ATP10B: variants seen among roughly 807,000 people sequenced by gnomAD.
ATP10B encodes phospholipid-transporting ATPase VB.
In ATP10B, 122 loss-of-function variants were observed where a neutral mutation model predicts 141.2. The observed-to-expected ratio is 0.86, with a 90% CI of 0.75 to 1.00. The LOEUF is 1.00. Among genes scored for constraint, ATP10B ranks in the 50% least tolerant of loss-of-function variants. ATP10B has a pLI of 0.00. For missense variants in ATP10B, 1,876 were observed against 1,825.3 expected, an observed-to-expected ratio of 1.03 and a Z score of -0.51; for synonymous variants, 685 against 692.0, an observed-to-expected ratio of 0.99 and a Z score of 0.16.
intron 7 of ATP10B, among the ~76,000 whole-genome samples, chr5:160,651,636 T>C (rs1490239864): frequency 6.6e-6 from 1 of 152,120 alleles, no homozygotes; most frequent in Non-Finnish European, 1.5e-5. Context: ...AGTTTATCAC[T>C]GAAAGCTTCA....
At chr5:160,671,054 G>A (rs138150063) in intron 6 of ATP10B, among the ~76,000 whole-genome samples, 6,792 of 150,878 alleles carry the variant, frequency 0.045, 516 homozygotes, top group African/African-American at 0.15. Flanking sequence ...AGTCCCAGCT[G>A]CTCGGGAGGC....
At chr5:160,676,776 A>G (rs561323554) in intron 6 of ATP10B, among the ~76,000 whole-genome samples, 1 of 152,368 alleles carries the variant, frequency 6.6e-6, no homozygotes, top group South Asian at 2.1e-4. Flanking sequence ...TTGACTACCT[A>G]TAATGAACCC....
chr5:160,864,150 C>A, the ATP10B span, among the ~76,000 whole-genome samples: 2 of 151,890 alleles, frequency 1.3e-5, no homozygotes, highest in Non-Finnish European at 1.5e-5. Context: ...AAACTACAGA[C>A]CAACATCCCT....
In ATP10B at chr5:160,644,372, A is replaced by G; in HGVS notation, c.762-128T>C. 4.4e-6 allele frequency: 3 copies of G among 680,024 alleles called. No homozygotes were observed. In the South Asian group the frequency reaches 4.9e-5, roughly 11 times the overall value. The allele number at this position is 680,024 out of a possible 1,614,324, so 42.1% of individuals were successfully genotyped here. A position where few individuals can be genotyped will look rare whatever the true frequency, so the allele number is the denominator to read the frequency against. On this transcript the variant is annotated intron_variant, in intron 8 of 25. Coordinates refer to ENST00000327245, the MANE Select transcript of ATP10B (RefSeq NM_025153.3). ...TCCTCCCTGTTTTTTCAGAAGAGTG[A>G]TGGTAGCTGAGAATCTAATCTCCTT...
chr5:160,830,011 G>C (rs1029496033), intron 1 of ATP10B, among the ~76,000 whole-genome samples: 2 of 152,064 alleles, frequency 1.3e-5, no homozygotes, highest in African/African-American at 4.8e-5. Context: ...GTGGGAGTGG[G>C]CATCCTTGTC....
intron 3 of ATP10B, among the ~76,000 whole-genome samples, chr5:160,696,501 G>A (rs1020451708): frequency 6.6e-6 from 1 of 152,110 alleles, no homozygotes; most frequent in Non-Finnish European, 1.5e-5. Flanking sequence ...AATAGGCACT[G>A]ACAGGAACTA....
intron 6 of ATP10B, among the ~76,000 whole-genome samples, chr5:160,676,839 T>C (rs546739274): frequency 3.4e-4 from 52 of 152,302 alleles, no homozygotes; most frequent in African/African-American, 1.3e-3. Flanking sequence ...TAGCTTTTAT[T>C]TTTATCATTA....
chr5:160,571,962 C>A (rs1754900864), intron 24 of ATP10B, among the ~76,000 whole-genome samples: 1 of 152,050 alleles, frequency 6.6e-6, no homozygotes, highest in South Asian at 2.1e-4. Flanking sequence ...GAAGTCACAG[C>A]CTTTGGGATC....
intron 1 of ATP10B, among the ~76,000 whole-genome samples, chr5:160,816,488 T>G (rs542010811): frequency 3.1e-4 from 47 of 151,920 alleles, no homozygotes; most frequent in African/African-American, 9.7e-4. Flanking sequence ...AATAACAGGA[T>G]CTGAAATTGA....
chr5:160,778,590 G>C (rs931407520), intron 2 of ATP10B, among the ~76,000 whole-genome samples: 1 of 152,204 alleles, frequency 6.6e-6, no homozygotes, highest in Non-Finnish European at 1.5e-5. Context: ...GTCACATCCA[G>C]AGAGCATCAG....
At chr5:160,800,899 G>A (rs887464658) in intron 1 of ATP10B, among the ~76,000 whole-genome samples, 12 of 152,140 alleles carry the variant, frequency 7.9e-5, no homozygotes, top group African/African-American at 2.9e-4. Context: ...CCTTTCATTT[G>A]AAGCCCTGCA....
At chr5:160,604,493 C>T (rs191744116) in intron 19 of ATP10B, among the ~76,000 whole-genome samples, 1 of 152,216 alleles carries the variant, frequency 6.6e-6, no homozygotes, top group East Asian at 1.9e-4. Flanking sequence ...ACACTTCCCT[C>T]GGTCAAACTT....
intron 2 of ATP10B, among the ~76,000 whole-genome samples, chr5:160,746,457 T>A (rs1056749618): frequency 6.6e-6 from 1 of 151,892 alleles, no homozygotes; most frequent in Non-Finnish European, 1.5e-5. Context: ...AGTGGTGTGA[T>A]CTTGGCTCAC....
the ATP10B span, among the ~76,000 whole-genome samples, chr5:160,881,276 A>G: frequency 6.6e-6 from 1 of 152,206 alleles, no homozygotes; most frequent in African/African-American, 2.4e-5. Flanking sequence ...ATCAAAATCC[A>G]TTGAATGACA....
intron 1 of ATP10B, among the ~76,000 whole-genome samples, chr5:160,803,924 CAG>C (rs1198028082): frequency 7.0e-6 from 1 of 142,040 alleles, no homozygotes; most frequent in East Asian, 2.1e-4. Flanking sequence ...GAGGTCAACA[CAG>C]ATTTTTTTTT....
intron 2 of ATP10B, among the ~76,000 whole-genome samples, chr5:160,731,460 C>T (rs549423852): frequency 6.6e-6 from 1 of 152,302 alleles, no homozygotes; most frequent in East Asian, 1.9e-4. Flanking sequence ...CTTTCATGGG[C>T]ATGAGGCAGT....
At chr5:160,878,753 G>A in the ATP10B span, among the ~76,000 whole-genome samples, 32 of 152,204 alleles carry the variant, frequency 2.1e-4, no homozygotes, top group African/African-American at 7.5e-4. Flanking sequence ...CTCAAAACAA[G>A]ACATTTATGC....
intron 2 of ATP10B, among the ~76,000 whole-genome samples, chr5:160,769,303 T>C (rs1769704284): frequency 3.3e-5 from 5 of 152,162 alleles, no homozygotes; most frequent in Admixed American, 3.3e-4. Context: ...ATTATAAAGA[T>C]TGACAGGAGA....
At chr5:160,583,699 G>T (rs962320427) in intron 24 of ATP10B, among the ~76,000 whole-genome samples, 2 of 152,206 alleles carry the variant, frequency 1.3e-5, no homozygotes, top group African/African-American at 4.8e-5. Flanking sequence ...GACTGGAGTT[G>T]CTGCTTTTCT....
Sources: allele counts gnomAD v4.1 joint callset (sites outside exome capture counted in the v4.1 genomes callset), GRCh38; gene constraint gnomAD v4.1.1; transcripts MANE v1.5; gene names NCBI Gene and HGNC (gene_info 2026-07-23, HGNC 2026-07-21).